GRIK4: variants seen among roughly 807,000 people sequenced by gnomAD.
GRIK4 encodes glutamate receptor ionotropic, kainate 4.
In GRIK4, 40 loss-of-function variants were observed where a neutral mutation model predicts 104.9. That is an observed-to-expected ratio of 0.38 (90% CI 0.30 to 0.50). The LOEUF is 0.50. Among genes scored for constraint, GRIK4 ranks in the 20% least tolerant of loss-of-function variants. The pLI is 0.93. For synonymous variants in GRIK4, 485 were observed against 524.9 expected (o/e 0.92, Z 1.04); for missense variants, 1,047 against 1,308.1 (o/e 0.80, Z 3.08).
chr11:120,748,676 C>T (rs886069901), intron 3 of GRIK4, among the ~76,000 whole-genome samples: 2 of 152,214 alleles, frequency 1.3e-5, no homozygotes, highest in African/African-American at 2.4e-5. Context: ...CTATACCTCA[C>T]ACCTAGTGAC....
chr11:120,947,772 G>T (rs1943897397), intron 14 of GRIK4, among the ~76,000 whole-genome samples: 1 of 152,124 alleles, frequency 6.6e-6, no homozygotes, highest in Non-Finnish European at 1.5e-5. Context: ...TGTGGATTAA[G>T]GTGCTCCATT....
intron 12 of GRIK4, among the ~76,000 whole-genome samples, chr11:120,904,441 C>T (rs928090276): frequency 6.6e-6 from 1 of 152,232 alleles, no homozygotes; most frequent in East Asian, 1.9e-4. Flanking sequence ...CAACCTGCAG[C>T]CCAGGATTCA....
chr11:120,566,330 C>T (rs867945195), intron 1 of GRIK4, among the ~76,000 whole-genome samples: 1 of 152,166 alleles, frequency 6.6e-6, no homozygotes, highest in African/African-American at 2.4e-5. Context: ...CAGGGTCATC[C>T]AGCCAGGAAG....
chr11:120,730,893 T>C (rs932201315), intron 3 of GRIK4, among the ~76,000 whole-genome samples: 1 of 152,228 alleles, frequency 6.6e-6, no homozygotes, highest in African/African-American at 2.4e-5. Context: ...GAAATACTAC[T>C]GATTTTATAT....
rs1427141386 is a variant in GRIK4 at position 120,894,596 on chromosome 11, G to C, written c.1165-3936G>C. ...AACAGTGGAAAGGCAGAGCAAGTGA[G>C]AGAGACAGAAAGTATAGAGGGAGCC... On this transcript the variant is annotated intron_variant, in intron 11 of 20. Coordinates refer to ENST00000527524, the MANE Select transcript of GRIK4 (RefSeq NM_014619.5). 6 of 152,292 alleles carry C rather than the reference G, an allele frequency of 3.9e-5. No homozygotes were observed. In the East Asian group the frequency reaches 7.7e-4, roughly 20 times the overall value. The allele number at this position is 152,292 out of a possible 1,614,324, so 9.4% of individuals were successfully genotyped here. A position where few individuals can be genotyped will look rare whatever the true frequency, so the allele number is the denominator to read the frequency against.
intron 14 of GRIK4, among the ~76,000 whole-genome samples, chr11:120,941,066 C>T (rs952279580): frequency 1.7e-4 from 26 of 152,204 alleles, no homozygotes; most frequent in African/African-American, 5.8e-4. Context: ...TTCAAGTATA[C>T]TGGCCGGTGG....
intron 8 of GRIK4, among the ~76,000 whole-genome samples, chr11:120,860,238 A>T (rs1266779273): frequency 1.3e-5 from 2 of 152,130 alleles, no homozygotes; most frequent in African/African-American, 4.8e-5. Flanking sequence ...TTTGTGTGAA[A>T]AGGTGGCCTG....
intron 3 of GRIK4, among the ~76,000 whole-genome samples, chr11:120,713,237 G>C (rs1213004113): frequency 6.6e-6 from 1 of 152,204 alleles, no homozygotes; most frequent in African/African-American, 2.4e-5. Context: ...AGATTTCACT[G>C]GATTGGTTTC....
At chr11:120,520,794 T>C (rs1947787706) in intron 1 of GRIK4, among the ~76,000 whole-genome samples, 1 of 152,162 alleles carries the variant, frequency 6.6e-6, no homozygotes, top group Non-Finnish European at 1.5e-5. Context: ...ATGGTAGCAT[T>C]GTTAGACTCA....
intron 1 of GRIK4, among the ~76,000 whole-genome samples, chr11:120,562,968 G>A (rs1187954714): frequency 1.3e-5 from 2 of 152,176 alleles, no homozygotes; most frequent in African/African-American, 2.4e-5. Flanking sequence ...GGCCTTCTGC[G>A]GAAGCATGAC....
chr11:120,766,406 C>T (rs1233966584), intron 3 of GRIK4, among the ~76,000 whole-genome samples: 1 of 152,212 alleles, frequency 6.6e-6, no homozygotes, highest in Non-Finnish European at 1.5e-5. Context: ...GGGTGGGATC[C>T]ACTGAGCAAG....
intron 1 of GRIK4, among the ~76,000 whole-genome samples, chr11:120,525,134 CCTGGGAAGGGGCG>C (rs1384059657): frequency 6.6e-6 from 1 of 152,014 alleles, no homozygotes; most frequent in African/African-American, 2.4e-5. Flanking sequence ...CACTGGACTC[CCTGGGAAGGGGCG>C]CTGGGAAGGG....
At chr11:120,571,680 C>T (rs897978282) in intron 1 of GRIK4, among the ~76,000 whole-genome samples, 1 of 152,126 alleles carries the variant, frequency 6.6e-6, no homozygotes, top group Admixed American at 6.5e-5. Context: ...GCCCACCCCC[C>T]TCATCTCTCC....
intron 11 of GRIK4, among the ~76,000 whole-genome samples, chr11:120,882,801 TG>T (rs1955002961): frequency 6.6e-6 from 1 of 152,266 alleles, no homozygotes; most frequent in South Asian, 2.1e-4. Flanking sequence ...TGACAGGTGC[TG>T]GGTGCTGCAT....
rs1268987813 is a variant in GRIK4 at position 120,651,745 on chromosome 11, C to A, written c.-158-1940C>A. On this transcript the variant is annotated intron_variant, in intron 1 of 20. Transcript: ENST00000527524. ...TCACAGACTCCTGGGAGCATCTCCT[C>A]ATGGGAATTCCTAAAGGCCAGGGAC... 2.0e-5 allele frequency among the ~76,000 whole-genome samples: 3 copies of A among 152,186 alleles called. No homozygotes were observed. The South Asian group carries it at 6.2e-4, about 32-fold the overall frequency.
At chr11:120,735,110 C>T (rs999045505) in intron 3 of GRIK4, among the ~76,000 whole-genome samples, 2 of 152,114 alleles carry the variant, frequency 1.3e-5, no homozygotes, top group Non-Finnish European at 2.9e-5. Context: ...TCATGTTTTC[C>T]TGGCTGGTCT....
intron 3 of GRIK4, among the ~76,000 whole-genome samples, chr11:120,764,462 A>T (rs1951798540): frequency 6.6e-6 from 1 of 152,068 alleles, no homozygotes; most frequent in African/African-American, 2.4e-5. Flanking sequence ...TGATATTGTT[A>T]TGTGTGAATT....
chr11:120,912,353 C>T (rs2134535255), intron 13 of GRIK4, among the ~76,000 whole-genome samples: 1 of 152,160 alleles, frequency 6.6e-6, no homozygotes, highest in South Asian at 2.1e-4. Context: ...AAGGCGTAGA[C>T]TGTAGGGTGA....
chr11:120,654,488 G>A (rs1477173331), intron 2 of GRIK4, among the ~76,000 whole-genome samples: 6 of 152,006 alleles, frequency 3.9e-5, no homozygotes, highest in African/African-American at 1.2e-4. Context: ...TCAGCCTCCC[G>A]AGTAGCTGGG....
Sources: allele counts gnomAD v4.1 joint callset (sites outside exome capture counted in the v4.1 genomes callset), GRCh38; gene constraint gnomAD v4.1.1; transcripts MANE v1.5; gene names NCBI Gene and HGNC (gene_info 2026-07-23, HGNC 2026-07-21).